ASIC2: variants seen among roughly 807,000 people sequenced by gnomAD.
The protein encoded by ASIC2 is acid-sensing ion channel 2.
Under a neutral mutation model 57.3 loss-of-function variants are expected in ASIC2, and 25 were observed. The observed-to-expected ratio is 0.44, with a 90% CI of 0.32 to 0.61. The LOEUF is 0.61. ASIC2 is among the 20% of genes least tolerant of loss of function. The pLI, the probability that ASIC2 is intolerant of heterozygous loss-of-function variation, is 0.06. For synonymous variants in ASIC2, 319 were observed against 307.5 expected (o/e 1.04, Z -0.39); for missense variants, 641 against 738.1 (o/e 0.87, Z 1.52).
At chr17:34,098,592 T>C (rs956491344) in intron 1 of ASIC2, among the ~76,000 whole-genome samples, 3 of 152,222 alleles carry the variant, frequency 2.0e-5, no homozygotes, top group Middle Eastern at 6.8e-3. Flanking sequence ...CCTAACAAAA[T>C]GTCAGCTCCA....
chr17:33,397,524 G>A (rs918612647), intron 1 of ASIC2, among the ~76,000 whole-genome samples: 2 of 152,312 alleles, frequency 1.3e-5, no homozygotes, highest in Admixed American at 6.5e-5. Flanking sequence ...GAGATTGGTG[G>A]CAGGATTAGG....
rs542830292 is a variant in ASIC2, at chr17:33,789,304, A to C, written c.555+366674T>G. ...TATCTCACAGGAGAAGGAACATTTAATAATGATTGACATTTGCTGATTCCT... is the reference window on the plus strand; with the variant it reads ...TATCTCACAGGAGAAGGAACATTTACTAATGATTGACATTTGCTGATTCCT... On this transcript the variant is annotated intron_variant, in intron 1 of 9. Coordinates refer to the ASIC2 transcript ENST00000359872. Among the ~76,000 whole-genome samples, 6 of 152,356 alleles carry C rather than the reference A, an allele frequency of 3.9e-5. No homozygotes were observed. In the South Asian group the frequency reaches 1.2e-3, roughly 32 times the overall value.
At chr17:33,652,255 A>G (rs2142039854) in intron 1 of ASIC2, among the ~76,000 whole-genome samples, 1 of 152,298 alleles carries the variant, frequency 6.6e-6, no homozygotes, top group East Asian at 1.9e-4. Context: ...CCAAAACAGG[A>G]GAGACAGGAG....
intron 1 of ASIC2, among the ~76,000 whole-genome samples, chr17:33,788,955 A>T (rs1295154935): frequency 4.6e-5 from 7 of 152,186 alleles, no homozygotes; most frequent in Non-Finnish European, 1.0e-4. Context: ...TAGGTGCAGC[A>T]AACCACCATG....
chr17:33,037,366 T>C (rs1399244371), intron 3 of ASIC2, among the ~76,000 whole-genome samples: 2 of 151,478 alleles, frequency 1.3e-5, no homozygotes, highest in African/African-American at 2.4e-5. Flanking sequence ...CCAAGGTTTG[T>C]TCAGGGTCAG....
intron 3 of ASIC2, among the ~76,000 whole-genome samples, chr17:33,039,824 C>T (rs1180683355): frequency 6.6e-6 from 1 of 152,162 alleles, no homozygotes; most frequent in Non-Finnish European, 1.5e-5. Flanking sequence ...ATCCTGCTCC[C>T]TCCCCATCTT....
chr17:33,876,632 C>T, intron 1 of ASIC2, among the ~76,000 whole-genome samples: 1 of 152,124 alleles, frequency 6.6e-6, no homozygotes, highest in South Asian at 2.1e-4. Context: ...AGTTAAGAAG[C>T]CTCCCTCACC....
intron 1 of ASIC2, among the ~76,000 whole-genome samples, chr17:33,214,530 T>C (rs1907402007): frequency 6.6e-6 from 1 of 152,182 alleles, no homozygotes; most frequent in Admixed American, 6.5e-5. Context: ...TGGTGCTGGT[T>C]ATTGTGTCTG....
chr17:33,904,897 G>A (rs559831899), intron 1 of ASIC2, among the ~76,000 whole-genome samples: 24 of 152,280 alleles, frequency 1.6e-4, no homozygotes, highest in Admixed American at 1.3e-3. Context: ...ATGCCAACCA[G>A]AAGGCTAACA....
intron 1 of ASIC2, among the ~76,000 whole-genome samples, chr17:33,864,989 G>A (rs917062386): frequency 1.3e-5 from 2 of 152,178 alleles, no homozygotes; most frequent in Admixed American, 1.3e-4. Context: ...ACCAGAGGGT[G>A]GGGGGTTGAG....
intron 1 of ASIC2, among the ~76,000 whole-genome samples, chr17:34,133,475 T>G (rs4795870): frequency 0.76 from 115,239 of 152,210 alleles, 43,723 homozygotes; most frequent in South Asian, 0.85. Context: ...ATCAGTGCAT[T>G]CTCCCAAGAG....
chr17:33,154,843 A>G (rs1245120838), intron 1 of ASIC2, among the ~76,000 whole-genome samples: 1 of 152,202 alleles, frequency 6.6e-6, no homozygotes, highest in African/African-American at 2.4e-5. Flanking sequence ...CTGTCACATT[A>G]ATTAAAAAAT....
intron 1 of ASIC2, among the ~76,000 whole-genome samples, chr17:33,464,505 T>TC: frequency 2.0e-5 from 1 of 51,266 alleles, no homozygotes; most frequent in Non-Finnish European, 3.9e-5. Context: ...TCTTTCTTTC[T>TC]TTCTTTCTTT....
intron 1 of ASIC2, among the ~76,000 whole-genome samples, chr17:33,228,102 C>G (rs1047889220): frequency 1.6e-4 from 25 of 152,160 alleles, no homozygotes; most frequent in African/African-American, 5.8e-4. Context: ...CTGAGGCACT[C>G]TTAGTGTTGT....
chr17:33,642,971 AG>A (rs1906624087), intron 1 of ASIC2, among the ~76,000 whole-genome samples: 1 of 152,196 alleles, frequency 6.6e-6, no homozygotes, highest in Non-Finnish European at 1.5e-5. Context: ...TTTGTTGACC[AG>A]GGTGGGTGCC....
intron 1 of ASIC2, among the ~76,000 whole-genome samples, chr17:33,397,574 G>T (rs951762095): frequency 6.6e-6 from 1 of 152,032 alleles, no homozygotes. Flanking sequence ...GGGGAGAGAA[G>T]CTGGTGGCAG....
chr17:33,771,294 G>T (rs1405130284), intron 1 of ASIC2, among the ~76,000 whole-genome samples: 1 of 152,140 alleles, frequency 6.6e-6, no homozygotes, highest in Non-Finnish European at 1.5e-5. Flanking sequence ...TTCATCCCAG[G>T]TTGCACAGTA....
chr17:34,070,145 A>G (rs1364259655), intron 1 of ASIC2: 3 of 152,134 alleles, frequency 2.0e-5, no homozygotes, highest in African/African-American at 4.8e-5. Flanking sequence ...TTTGATGGAC[A>G]TAAATTCCTC....
chr17:33,790,782 T>C (rs969221638), intron 1 of ASIC2, among the ~76,000 whole-genome samples: 10 of 152,192 alleles, frequency 6.6e-5, no homozygotes, highest in African/African-American at 2.4e-4. Context: ...CTGATAAAGA[T>C]GATGATGACG....
Sources: gnomAD v4.1 joint callset for allele counts (sites outside exome capture counted in the v4.1 genomes callset) on GRCh38, gnomAD v4.1.1 for gene constraint, MANE v1.5 for transcripts, NCBI Gene and HGNC (gene_info 2026-07-23, HGNC 2026-07-21) for gene names.